Variants in GNAO1 observed in about 807,000 individuals in gnomAD.
The protein encoded by GNAO1 is G protein subunit alpha o1.
For missense variants in GNAO1, 166 were observed against 478.7 expected (o/e 0.35, Z 6.10); for synonymous variants, 164 against 180.7 (o/e 0.91, Z 0.74).
chr16:56,314,684 C>A (rs1481857881), intron 3 of GNAO1, among the ~76,000 whole-genome samples: 1 of 152,220 alleles, frequency 6.6e-6, no homozygotes, highest in Non-Finnish European at 1.5e-5. Context: ...GCTAAGGAGA[C>A]CACGATTGTA....
At chr16:56,239,476 T>C (rs1458233972) in intron 2 of GNAO1, among the ~76,000 whole-genome samples, 1 of 152,036 alleles carries the variant, frequency 6.6e-6, no homozygotes, top group African/African-American at 2.4e-5. Flanking sequence ...ACAGAGAGGG[T>C]TCTAGGGACA....
intron 3 of GNAO1, among the ~76,000 whole-genome samples, chr16:56,318,787 T>C (rs2037540976): frequency 6.6e-6 from 1 of 152,230 alleles, no homozygotes; most frequent in Non-Finnish European, 1.5e-5. Context: ...TGTCAGCTTG[T>C]TGTTTGTGTC....
intron 2 of GNAO1, among the ~76,000 whole-genome samples, chr16:56,196,987 G>C (rs1289753087): frequency 6.6e-6 from 1 of 152,210 alleles, no homozygotes; most frequent in Non-Finnish European, 1.5e-5. Flanking sequence ...AGCTGACCCT[G>C]ACTTTGTAAT....
At chr16:56,268,944 C>G (rs1260549934) in intron 2 of GNAO1, among the ~76,000 whole-genome samples, 1 of 152,180 alleles carries the variant, frequency 6.6e-6, no homozygotes, top group East Asian at 1.9e-4. Flanking sequence ...CCAGGCAGGT[C>G]TGTCCCTACC....
chr16:56,332,983 A>AGGCCGG (rs1396718327), intron 4 of GNAO1, among the ~76,000 whole-genome samples: 4 of 152,224 alleles, frequency 2.6e-5, no homozygotes, highest in African/African-American at 9.6e-5. Flanking sequence ...GGAGGCTGTG[A>AGGCCGG]GGCCGGGGGC....
At chr16:56,340,678 G>T (rs1179183352) in intron 6 of GNAO1, 1 of 688,986 alleles carries the variant, frequency 1.5e-6, no homozygotes, top group African/African-American at 1.8e-5. Flanking sequence ...CTGTCCTTGT[G>T]GGTCCTCCCG....
intron 3 of GNAO1, among the ~76,000 whole-genome samples, chr16:56,322,401 C>A (rs1424961169): frequency 2.0e-5 from 3 of 152,330 alleles, no homozygotes; most frequent in East Asian, 3.9e-4. Context: ...ACCCATAGGC[C>A]CAGGAGGAGC....
At chr16:56,195,999 A>C (rs1348007615) in intron 2 of GNAO1, among the ~76,000 whole-genome samples, 1 of 152,180 alleles carries the variant, frequency 6.6e-6, no homozygotes, top group Non-Finnish European at 1.5e-5. Flanking sequence ...AGATACTGAC[A>C]TAAAGTTCTT....
chr16:56,319,192 C>T (rs748460257), intron 3 of GNAO1, among the ~76,000 whole-genome samples: 3 of 152,200 alleles, frequency 2.0e-5, no homozygotes, highest in Non-Finnish European at 4.4e-5. Context: ...AGTTTACCAT[C>T]CCAGTTTCAC....
rs575339984 is a variant in GNAO1 at position 56,214,237 on chromosome 16, C to T, written c.161+21621C>T. On this transcript the variant is annotated intron_variant, in intron 2 of 8. Coordinates refer to ENST00000262493, the MANE Select transcript of GNAO1 (RefSeq NM_020988.3). ...CTGGGGCTTCCCGTTGGCCCTAGCT[C>T]TGCATCTGCTCTCCCATATCAGCAT... Among the ~76,000 whole-genome samples, 37 of 152,282 alleles carry T rather than the reference C, an allele frequency of 2.4e-4. No homozygotes were observed. In the South Asian group the frequency reaches 7.5e-3, roughly 31 times the overall value.
chr16:56,349,887 C>T (rs1475814118), intron 6 of GNAO1, among the ~76,000 whole-genome samples: 3 of 152,190 alleles, frequency 2.0e-5, no homozygotes, highest in Non-Finnish European at 2.9e-5. Flanking sequence ...GCACGGAGCC[C>T]GCCATGCTGC....
chr16:56,247,112 G>C (rs1279420660), intron 2 of GNAO1, among the ~76,000 whole-genome samples: 1 of 152,056 alleles, frequency 6.6e-6, no homozygotes, highest in East Asian at 1.9e-4. Flanking sequence ...ATCTTTGCCC[G>C]CCTCAGCTCC....
At chr16:56,319,960 G>A (rs1408487724) in intron 3 of GNAO1, among the ~76,000 whole-genome samples, 1 of 152,054 alleles carries the variant, frequency 6.6e-6, no homozygotes, top group African/African-American at 2.4e-5. Context: ...TCTCCACTGT[G>A]GCAGCTTTGA....
At position 56,312,483 on chromosome 16, in the gene GNAO1, C is replaced by T. The variant is rs147160006; in HGVS notation, c.304-16148C>T. Among the ~76,000 whole-genome samples the T allele has an allele frequency of 5.3e-5, 8 of 152,306 alleles. No homozygotes were observed. The South Asian group carries it at 8.3e-4, about 16-fold the overall frequency. ...CCAAGGCTCACAGCAAACACTGAGGCGGCCACAGCCTGGGCTTGCTGTATC... is the reference window on the plus strand; with the variant it reads ...CCAAGGCTCACAGCAAACACTGAGGTGGCCACAGCCTGGGCTTGCTGTATC... On this transcript the variant is annotated intron_variant, in intron 3 of 8. Transcript: ENST00000262493.
intron 2 of GNAO1, among the ~76,000 whole-genome samples, chr16:56,259,390 T>G (rs1166964750): frequency 1.3e-5 from 2 of 151,298 alleles, no homozygotes; most frequent in Middle Eastern, 3.2e-3. Flanking sequence ...TGCTGGAAAT[T>G]ATGTGTATTC....
intron 2 of GNAO1, among the ~76,000 whole-genome samples, chr16:56,260,117 A>T (rs2143480650): frequency 6.6e-6 from 1 of 152,334 alleles, no homozygotes; most frequent in Non-Finnish European, 1.5e-5. Flanking sequence ...GGCAGGGGTT[A>T]TTGGGAGGAT....
intron 2 of GNAO1, among the ~76,000 whole-genome samples, chr16:56,268,275 C>A (rs898816709): frequency 6.6e-6 from 1 of 152,242 alleles, no homozygotes; most frequent in Non-Finnish European, 1.5e-5. Flanking sequence ...CAGGTGGCAG[C>A]CAGCACATCC....
intron 2 of GNAO1, among the ~76,000 whole-genome samples, chr16:56,259,398 T>TTC (rs139246916): frequency 0.044 from 6,683 of 152,270 alleles, 323 homozygotes; most frequent in African/African-American, 0.11. Context: ...ATTATGTGTA[T>TTC]TCTACCCCTT....
chr16:56,350,542 G>A (rs758068306), intron 6 of GNAO1, among the ~76,000 whole-genome samples: 6 of 152,298 alleles, frequency 3.9e-5, no homozygotes, highest in East Asian at 3.9e-4. Context: ...CGCCCATCAC[G>A]TTCATCCATT....
Sources: allele counts gnomAD v4.1 joint callset (sites outside exome capture counted in the v4.1 genomes callset), GRCh38; gene constraint gnomAD v4.1.1; transcripts MANE v1.5; gene names NCBI Gene and HGNC (gene_info 2026-07-23, HGNC 2026-07-21).